The following FLAD1 variants were observed in gnomAD, a reference collection of about 807,000 sequenced individuals.
FLAD1 encodes flavin adenine dinucleotide synthetase 1.
FLAD1 carries 35 observed loss-of-function variants against 55.0 expected under a neutral mutation model. That is an observed-to-expected ratio of 0.64 (90% CI 0.49 to 0.84). The LOEUF (loss-of-function observed/expected upper bound fraction) is 0.84. Ranked by LOEUF, FLAD1 falls within the 40% of genes least tolerant of loss-of-function variation. The probability of loss-of-function intolerance (pLI) is 0.00; values close to 1 mark genes in which losing one functional copy is unlikely to be tolerated. For missense variants in FLAD1, 665 were observed against 742.6 expected, an observed-to-expected ratio of 0.90 and a Z score of 1.21; for synonymous variants, 267 against 303.0, an observed-to-expected ratio of 0.88 and a Z score of 1.23.
At position 154,989,547 on chromosome 1, in the gene FLAD1, G is replaced by C. The variant is rs1196081443; in HGVS notation, c.1118-13G>C. The C allele has an allele frequency of 1.3e-6, 2 of 1,550,428 alleles. No homozygotes were observed. Among genetic ancestry groups the C allele is most frequent in the East Asian group, 2.4e-5 (1 of 42,486 alleles). On this transcript the variant is annotated splice_polypyrimidine_tract_variant and intron_variant, in intron 2 of 6. Transcript: ENST00000292180. ...GTGTCCATCTGATGCCCTCTTCCCT[G>C]CCTGCTTGGCAGGGTCTTCTTTGGG... is the stretch of plus-strand genomic sequence containing the variant.
intron 2 of FLAD1, among the ~76,000 whole-genome samples, chr1:154,989,203 CATAAACTGAGTG>C (rs1436928042): frequency 1.3e-5 from 2 of 152,092 alleles, no homozygotes; most frequent in Non-Finnish European, 2.9e-5. Flanking sequence ...GGCCAAATGA[CATAAACTGAGTG>C]ATAAGGAGGA....
intron 2 of FLAD1, among the ~76,000 whole-genome samples, 163 bp from the exon 3 acceptor site, chr1:154,989,396 CA>C (rs1482475703): frequency 6.6e-6 from 1 of 152,194 alleles, no homozygotes; most frequent in African/African-American, 2.4e-5. Flanking sequence ...CAGGGCAGGT[CA>C]GGGGCAGACT....
rs1201486069 is a variant in FLAD1 at position 154,988,579 on chromosome 1, G to T, written c.847G>T (p.Glu283Ter). The T allele has an allele frequency of 6.2e-7, 1 of 1,614,218 alleles. No homozygotes were observed. Among genetic ancestry groups the T allele is most frequent in the African/African-American group, 1.3e-5 (1 of 75,052 alleles). Residue 283 changes from glutamate to a stop codon, truncating the protein, a stop_gained, in exon 2 of 7, where the codon GAG becomes TAG. Coordinates refer to ENST00000292180, the MANE Select transcript of FLAD1 (RefSeq NM_025207.5). LOFTEE classifies it high-confidence loss of function. Reference protein sequence around the residue: ...QNPAVQFHSKELYVAADEASI... With the variant: ...QNPAVQFHSK ...CCCAGCTGTTCAGTTCCACTCAAAG[G>T]AGCTATATGTGGCTGCTGATGAAGC...
chr1:154,989,213 G>A (rs1657756211), intron 2 of FLAD1, among the ~76,000 whole-genome samples: 1 of 152,170 alleles, frequency 6.6e-6, no homozygotes, highest in South Asian at 2.1e-4. Flanking sequence ...CATAAACTGA[G>A]TGATAAGGAG....
At chr1:154,985,230 T>G (rs534625975) in intron 1 of FLAD1, among the ~76,000 whole-genome samples, 21 of 137,460 alleles carry the variant, frequency 1.5e-4, no homozygotes, top group African/African-American at 6.3e-4. Context: ...GTTTTTTTTG[T>G]TTTTTTTGTT....
chr1:154,986,686 C>G (rs1245341993), intron 1 of FLAD1, among the ~76,000 whole-genome samples: 1 of 149,650 alleles, frequency 6.7e-6, no homozygotes, highest in South Asian at 2.1e-4. Flanking sequence ...CATGAGCAAC[C>G]TTGCCCAGCC....
At chr1:154,988,057 C>T in intron 1 of FLAD1, 48 bp from the exon 2 acceptor site, 1 of 1,613,910 alleles carries the variant, frequency 6.2e-7, no homozygotes, top group East Asian at 2.2e-5. Context: ...AACCCCTCCC[C>T]TTCATCCCTA....
chr1:154,990,170 A>G lies in FLAD1; in HGVS notation c.1277A>G (p.Asp426Gly). 1 of 1,613,838 alleles carries G rather than the reference A, an allele frequency of 6.2e-7. No homozygotes were observed. The highest frequency in any genetic ancestry group is 8.5e-7 in the Non-Finnish European group (1 of 1,179,784). The stretch of plus-strand genomic sequence containing the variant: ...TTCCCCCTCTGCAGGAAATTACCTG[A>G]TGTTCCAAACCCCCTCCAGATCCTG... ...FHAAVQRKLP[D>G]VPNPLQILYI... Residue 426 changes from aspartate to glycine, a missense_variant, in exon 4 of 7, where the codon GAT becomes GGT. Physicochemically the swap from Asp to Gly is moderately conservative, Grantham distance 94. Transcript: ENST00000292180.
chr1:154,988,089 C>A lies in FLAD1; in HGVS notation c.373-16C>A. 1 of 1,614,174 alleles carries A rather than the reference C, an allele frequency of 6.2e-7. No homozygotes were observed. The highest frequency in any genetic ancestry group is 8.5e-7 in the Non-Finnish European group (1 of 1,180,026). On this transcript the variant is annotated splice_polypyrimidine_tract_variant and intron_variant, in intron 1 of 6. Transcript: ENST00000292180. ...CCTACAGTACTGATGGCCTCATCTT[C>A]CCCTTCAACCCCCAGGGACACACTC...
rs1036418146 is a variant in FLAD1, at chr1:154,990,478, A to C, written c.1504A>C (p.Ser502Arg). ...DPYSCSLCPF[S>R]PTDPGWPAFM... The stretch of plus-strand genomic sequence containing the variant: ...CTACTCCTGTAGCCTCTGCCCTTTC[A>C]GCCCCACTGACCCAGGCTGGCCCGC... The change falls in exon 5 of 7, where the codon AGC (serine) becomes CGC (arginine). Residue 502 changes from serine to arginine, a missense_variant. Coordinates refer to ENST00000292180, the MANE Select transcript of FLAD1 (RefSeq NM_025207.5). 2.5e-6 allele frequency: 4 copies of C among 1,613,570 alleles called. No homozygotes were observed. The African/African-American group carries it at 5.3e-5, about 22-fold the overall frequency.
chr1:154,988,663 G>A lies in FLAD1; in HGVS notation c.931G>A (p.Gly311Ser). 6.2e-7 allele frequency: 1 copy of A among 1,614,190 alleles called. No individual in the cohort carries two copies. Among genetic ancestry groups the A allele is most frequent in the South Asian group, 1.1e-5 (1 of 91,078 alleles). The change falls in exon 2 of 7, where the codon GGT becomes AGT. Residue 311 changes from glycine to serine, a missense_variant. Physicochemically the swap from Gly to Ser is moderately conservative, Grantham distance 56 (BLOSUM62 0). Coordinates refer to ENST00000292180, the MANE Select transcript of FLAD1 (RefSeq NM_025207.5). ...CCACTTTGGACGTAGGCTTGGCCTG[G>A]GTTCCTACCCTGACTGGGGCAGCAA... ...QAHFGRRLGL[G>S]SYPDWGSNYY...
In FLAD1 at chr1:154,992,733, C is replaced by G. The variant is rs199742528; in HGVS notation, c.1575C>G (p.Ile525Met). Reference protein sequence around the residue: ...NPLLDWTYRDIWDFLRQLFVP... With the variant: ...NPLLDWTYRDMWDFLRQLFVP... ...CCCAGGACTGGACCTACAGAGACATCTGGGATTTTCTGCGTCAGCTGTTTG... is the reference window on the plus strand; with the variant it reads ...CCCAGGACTGGACCTACAGAGACATGTGGGATTTTCTGCGTCAGCTGTTTG... The change falls in exon 6 of 7, where the codon ATC becomes ATG. Residue 525 changes from isoleucine (I) to methionine (M), a missense_variant. Ile to Met is a conservative substitution (Grantham distance 10). Coordinates refer to ENST00000292180, the MANE Select transcript of FLAD1 (RefSeq NM_025207.5). 1.2e-6 allele frequency: 2 copies of G among 1,614,030 alleles called. No individual in the cohort carries two copies. Among genetic ancestry groups the G allele is most frequent in the Non-Finnish European group, 1.7e-6 (2 of 1,180,024 alleles).
At chr1:154,992,859 G>A (rs1047168496) in intron 6 of FLAD1, 43 bp from the exon 7 acceptor site, 2 of 1,613,792 alleles carry the variant, frequency 1.2e-6, no homozygotes, top group Non-Finnish European at 1.7e-6. Context: ...CAATAGGATC[G>A]CCCACCCTAC....
At position 154,988,277 on chromosome 1, in the gene FLAD1, C is replaced by T. The variant is rs560748872; in HGVS notation, c.545C>T (p.Thr182Ile). The change falls in exon 2 of 7, where the codon ACT (threonine) becomes ATT (isoleucine). Residue 182 changes from threonine to isoleucine, a missense_variant. Coordinates refer to ENST00000292180, the MANE Select transcript of FLAD1 (RefSeq NM_025207.5). ...HVLTAGGIGP[T>I]HDDVTFEAVA... ...CTCACAGCAGGGGGCATCGGCCCCA[C>T]TCATGATGATGTGACCTTTGAGGCA... The T allele has an allele frequency of 3.1e-6, 5 of 1,614,222 alleles. No individual in the cohort carries two copies. The highest frequency in any genetic ancestry group is 1.1e-5 in the South Asian group (1 of 91,088).
At position 154,992,735 on chromosome 1, in the gene FLAD1, G is replaced by A; in HGVS notation, c.1577G>A (p.Trp526Ter). ...PLLDWTYRDIWDFLRQLFVPY... is the reference protein window; with the variant it reads ...PLLDWTYRDI Reference sequence around the variant, plus strand: ...CAGGACTGGACCTACAGAGACATCTGGGATTTTCTGCGTCAGCTGTTTGTC... The same window carrying A: ...CAGGACTGGACCTACAGAGACATCTAGGATTTTCTGCGTCAGCTGTTTGTC... Residue 526 changes from tryptophan to a stop codon, truncating the protein, a stop_gained, in exon 6 of 7, where the codon TGG becomes TAG. Transcript: ENST00000292180. LOFTEE classifies it high-confidence loss of function. 6.2e-7 allele frequency: 1 copy of A among 1,614,154 alleles called. No individual in the cohort carries two copies. Among genetic ancestry groups the A allele is most frequent in the Non-Finnish European group, 8.5e-7 (1 of 1,180,020 alleles).
At position 154,992,984 on chromosome 1, in the gene FLAD1, C is replaced by T. The variant is rs1227175942; in HGVS notation, c.1711C>T (p.Arg571Cys). 5.6e-6 allele frequency: 9 copies of T among 1,613,946 alleles called. No homozygotes were observed. Among genetic ancestry groups the T allele is most frequent in the Middle Eastern group, 1.6e-4 (1 of 6,084 alleles). The change falls in exon 7 of 7, where the codon CGT becomes TGT. Residue 571 changes from arginine to cysteine, a missense_variant. Transcript: ENST00000292180. ...GAGCCCAGGAGGACACCCCACATAC[C>T]GTCCAGCCTATCTACTGGAGAACGA... ...CLSPGGHPTY[R>C]PAYLLENEEE...
In FLAD1 at chr1:154,988,177, G is replaced by A. The variant is rs755926549; in HGVS notation, c.445G>A (p.Val149Ile). ...LRSLGVQVCRVSVVPDEVATI... is the reference protein window; with the variant it reads ...LRSLGVQVCRISVVPDEVATI... ...CTCCCTAGGGGTCCAGGTTTGCCGA[G>A]TCTCAGTTGTACCTGATGAGGTAGC... Residue 149 changes from valine (V) to isoleucine (I), a missense_variant, in exon 2 of 7, where the codon GTC (valine) becomes ATC (isoleucine). Val to Ile is a conservative substitution (Grantham distance 29). Coordinates refer to ENST00000292180, the MANE Select transcript of FLAD1 (RefSeq NM_025207.5). The A allele has an allele frequency of 1.4e-5, 23 of 1,614,122 alleles. No homozygotes were observed. Among genetic ancestry groups the A allele is most frequent in the Non-Finnish European group, 1.9e-5 (22 of 1,180,050 alleles).
At position 154,988,166 on chromosome 1, in the gene FLAD1, A is replaced by G. The variant is rs751572707; in HGVS notation, c.434A>G (p.Gln145Arg). The change falls in exon 2 of 7, where the codon CAG (glutamine) becomes CGG (arginine). Residue 145 changes from glutamine (Q) to arginine (R), a missense_variant. Coordinates refer to ENST00000292180, the MANE Select transcript of FLAD1 (RefSeq NM_025207.5). Reference sequence around the variant, plus strand: ...CGGACACTGCGCTCCCTAGGGGTCCAGGTTTGCCGAGTCTCAGTTGTACCT... The same window carrying G: ...CGGACACTGCGCTCCCTAGGGGTCCGGGTTTGCCGAGTCTCAGTTGTACCT... ...LCRTLRSLGV[Q>R]VCRVSVVPDE... 2.0e-5 allele frequency: 33 copies of G among 1,614,202 alleles called. No homozygotes were observed. The highest frequency in any genetic ancestry group is 2.7e-5 in the Non-Finnish European group (32 of 1,180,038).
chr1:154,990,369 C>A lies in FLAD1; in HGVS notation c.1395C>A (p.Gly465=). The change falls in exon 5 of 7, where the codon GGC becomes GGA. Residue 465 remains glycine (G), a synonymous_variant. Transcript: ENST00000292180. The stretch of plus-strand genomic sequence containing the variant: ...ATCTGCAGATGTTGGAAGCTGAGGG[C>A]AGCATGAAGCAGGCCCTGGGTGAAC... ...RYNLQMLEAE[G]SMKQALGELQ... 1 of 1,613,910 alleles carries A rather than the reference C, an allele frequency of 6.2e-7. No individual in the cohort carries two copies. The highest frequency in any genetic ancestry group is 8.5e-7 in the Non-Finnish European group (1 of 1,179,868).
Sources: gnomAD v4.1 joint callset for allele counts (sites outside exome capture counted in the v4.1 genomes callset) on GRCh38, gnomAD v4.1.1 for gene constraint, MANE v1.5 for transcripts, NCBI Gene and HGNC (gene_info 2026-07-23, HGNC 2026-07-21) for gene names.